Variants in C2CD5 observed in about 807,000 individuals in gnomAD.
The protein encoded by C2CD5 is C2 calcium dependent domain containing 5.
C2CD5 carries 109 observed loss-of-function variants against 130.3 expected under a neutral mutation model. That is an observed-to-expected ratio of 0.84 (90% CI 0.72 to 0.98). C2CD5 has a LOEUF of 0.98. C2CD5 is among the 50% of genes least tolerant of loss of function. C2CD5 has a pLI of 0.00. For missense variants in C2CD5, 996 were observed against 1,261.8 expected (o/e 0.79, Z 3.19); for synonymous variants, 454 against 429.2 (o/e 1.06, Z -0.71).
At chr12:22,479,176 C>T (rs1246910297) in intron 14 of C2CD5, among the ~76,000 whole-genome samples, 2 of 151,848 alleles carry the variant, frequency 1.3e-5, no homozygotes, top group East Asian at 1.9e-4. Flanking sequence ...TGGGTTCAAG[C>T]GATTCTTCTG....
intron 10 of C2CD5, among the ~76,000 whole-genome samples, chr12:22,494,774 A>T (rs992196735): frequency 1.3e-5 from 2 of 152,138 alleles, no homozygotes; most frequent in African/African-American, 4.8e-5. Context: ...TAAATTAAGA[A>T]ATGTGTGAAC....
chr12:22,483,046 C>T (rs1161578376), intron 13 of C2CD5, among the ~76,000 whole-genome samples: 1 of 152,088 alleles, frequency 6.6e-6, no homozygotes, highest in East Asian at 1.9e-4. Context: ...TATAACAGGA[C>T]TGTTTCTAAC....
In C2CD5 at chr12:22,527,851, T is replaced by A. The variant is rs1397427420; in HGVS notation, c.219A>T (p.Thr73=). 1.9e-6 allele frequency: 3 copies of A among 1,611,330 alleles called. No homozygotes were observed. The highest frequency in any genetic ancestry group is 2.5e-6 in the Non-Finnish European group (3 of 1,178,134). ...EDLQDEPLQI[T]VLDHDTYSAN... The stretch of plus-strand genomic sequence containing the variant: ...CACTGTAAGTATCATGGTCAAGAAC[T>A]GTGATCTGTAAAGGTTCATCTTGTA... Residue 73 remains threonine (T), a synonymous_variant, in exon 4 of 27, where the codon ACA becomes ACT. Coordinates refer to ENST00000446597, the MANE Select transcript of C2CD5 (RefSeq NM_001286176.2).
At chr12:22,543,921 C>A in intron 2 of C2CD5, 140 bp downstream of exon 2, 2 of 652,426 alleles carry the variant, frequency 3.1e-6, no homozygotes, top group Non-Finnish European at 5.4e-6. Context: ...GCGGTCATCC[C>A]TCGTGGGAGA....
At chr12:22,457,748 C>CATAT (rs151214035) in intron 24 of C2CD5, among the ~76,000 whole-genome samples, 3 of 151,142 alleles carry the variant, frequency 2.0e-5, no homozygotes, top group East Asian at 3.9e-4. Flanking sequence ...ATAAGCCAGA[C>CATAT]ATATATATAT....
chr12:22,482,891 T>C (rs1944928136), intron 13 of C2CD5, 148 bp from the exon 14 acceptor site: 1 of 631,278 alleles, frequency 1.6e-6, no homozygotes, highest in East Asian at 2.8e-5. Context: ...TGTTCTGCTT[T>C]TTGTCATTGT....
At chr12:22,518,379 A>G (rs1368000472) in intron 7 of C2CD5, among the ~76,000 whole-genome samples, 2 of 152,218 alleles carry the variant, frequency 1.3e-5, no homozygotes, top group African/African-American at 4.8e-5. Context: ...GCATGAAATG[A>G]CAGACTAAGG....
rs1461145789 is a variant in C2CD5, at chr12:22,524,453, A to G, written c.601+19T>C. 2 of 1,609,268 alleles carry G rather than the reference A, an allele frequency of 1.2e-6. No homozygotes were observed. Among genetic ancestry groups the G allele is most frequent in the Non-Finnish European group, 1.7e-6 (2 of 1,176,782 alleles). On this transcript the variant is annotated intron_variant, in intron 6 of 26. Transcript: ENST00000446597. Reference sequence around the variant, plus strand: ...AGAGTACTAAATCAGTCAGTAATAAAGTTATTTTTTTTAAATACCTGACAT... The same window carrying G: ...AGAGTACTAAATCAGTCAGTAATAAGGTTATTTTTTTTAAATACCTGACAT...
chr12:22,498,690 C>T (rs1051481921), intron 10 of C2CD5, among the ~76,000 whole-genome samples: 5 of 152,076 alleles, frequency 3.3e-5, no homozygotes, highest in African/African-American at 1.2e-4. Context: ...TATAATATGT[C>T]CTAAGATCTA....
chr12:22,453,573 C>G (rs887162508), intron 26 of C2CD5, among the ~76,000 whole-genome samples: 6 of 152,140 alleles, frequency 3.9e-5, no homozygotes, highest in Admixed American at 3.9e-4. Flanking sequence ...ATAGTCCAAA[C>G]TAAAGGATAT....
chr12:22,538,355 A>T (rs575787813), intron 2 of C2CD5, among the ~76,000 whole-genome samples: 87 of 152,286 alleles, frequency 5.7e-4, no homozygotes, highest in African/African-American at 2.0e-3. Context: ...TCACTCATTT[A>T]TATAAGGTTT....
At chr12:22,460,053 A>G (rs550849195) in intron 22 of C2CD5, among the ~76,000 whole-genome samples, 1 of 152,320 alleles carries the variant, frequency 6.6e-6, no homozygotes, top group East Asian at 1.9e-4. Context: ...GAAGACTTCG[A>G]TATCAACAGC....
intron 9 of C2CD5, among the ~76,000 whole-genome samples, chr12:22,511,955 GAC>G (rs148523013): frequency 6.6e-6 from 1 of 151,976 alleles, no homozygotes; most frequent in Non-Finnish European, 1.5e-5. Flanking sequence ...ATGGTAAGTG[GAC>G]ACACACACAC....
At chr12:22,512,518 A>G (rs938655603) in intron 9 of C2CD5, 33 of 614,622 alleles carry the variant, frequency 5.4e-5, no homozygotes, top group Non-Finnish European at 8.0e-5. Flanking sequence ...TAAAAAAAAA[A>G]CTTTGCATTA....
rs761545671 is a variant in C2CD5 at position 22,527,710 on chromosome 12, T to A, written c.349+11A>T. 1.4e-6 allele frequency: 2 copies of A among 1,408,348 alleles called. No homozygotes were observed. Among genetic ancestry groups the A allele is most frequent in the Non-Finnish European group, 2.0e-6 (2 of 1,023,172 alleles). The allele number at this position is 1,408,348 out of a possible 1,614,324, so 87.2% of individuals were successfully genotyped here. On this transcript the variant is annotated intron_variant, in intron 4 of 26. Transcript: ENST00000446597. ...GATTGTTATTTATAATACTTTCTTA[T>A]TATTCCTTACCATGTATGGTGTCAT... is the stretch of plus-strand genomic sequence containing the variant.
intron 8 of C2CD5, among the ~76,000 whole-genome samples, chr12:22,517,019 A>G (rs1202044288): frequency 6.6e-6 from 1 of 151,968 alleles, no homozygotes; most frequent in African/African-American, 2.4e-5. Flanking sequence ...TCATTTATAA[A>G]AACAGAAATT....
At chr12:22,511,604 A>G (rs979646880) in intron 9 of C2CD5, among the ~76,000 whole-genome samples, 2 of 152,246 alleles carry the variant, frequency 1.3e-5, no homozygotes, top group African/African-American at 4.8e-5. Flanking sequence ...TTAGTAATCT[A>G]TGTCCAATGT....
chr12:22,493,327 T>C lies in C2CD5; in HGVS notation c.1158A>G (p.Glu386=), dbSNP rs1946596890. 6.3e-7 allele frequency: 1 copy of C among 1,598,546 alleles called. No homozygotes were observed. The highest frequency in any genetic ancestry group is 2.2e-5 in the East Asian group (1 of 44,778). ...TTTCTGCCCACCATGCATCTCGAGTTTCTGGTTCATCTGAAAAATAAATTT... is the reference window on the plus strand; with the variant it reads ...TTTCTGCCCACCATGCATCTCGAGTCTCTGGTTCATCTGAAAAATAAATTT... ...LDRIHNPDEP[E]TRDAWWAEIR... is the part of the protein sequence containing the mutation. The change falls in exon 11 of 27, where the codon GAA becomes GAG. Residue 386 remains glutamate (E), a synonymous_variant. Transcript: ENST00000446597.
intron 10 of C2CD5, chr12:22,497,522 A>G: frequency 2.2e-6 from 1 of 445,718 alleles, no homozygotes; most frequent in Non-Finnish European, 3.0e-6. Context: ...ATAAAGGTTA[A>G]TACAATGATA....
Sources: allele counts gnomAD v4.1 joint callset (sites outside exome capture counted in the v4.1 genomes callset), GRCh38; gene constraint gnomAD v4.1.1; transcripts MANE v1.5; gene names NCBI Gene and HGNC (gene_info 2026-07-23, HGNC 2026-07-21).